The following ZNF679 variants were observed in gnomAD, a reference collection of about 807,000 sequenced individuals.
ZNF679 encodes the protein hypothetical protein MGC42415.
ZNF679 carries 10 observed loss-of-function variants against 13.4 expected under a neutral mutation model. The ratio of observed to expected loss-of-function variants is 0.75; its 90% CI spans 0.46 to 1.27. The LOEUF is 1.27. Ranked by LOEUF, ZNF679 falls within the 50% of genes most tolerant of loss-of-function variation. ZNF679 has a pLI of 0.00. For synonymous variants in ZNF679, 179 were observed against 162.5 expected (o/e 1.10, Z -0.77); for missense variants, 525 against 477.8 (o/e 1.10, Z -0.92).
intron 1 of ZNF679, among the ~76,000 whole-genome samples, chr7:64,245,430 AGAGAGAGAGAGAGG>A (rs1313716946): frequency 6.7e-6 from 1 of 149,428 alleles, no homozygotes; most frequent in Non-Finnish European, 1.5e-5. Context: ...AAAGAGAGAG[AGAGAGAGAGAGAGG>A]GAGAGAGAGA....
In ZNF679 at chr7:64,266,870, T is replaced by G. The variant is rs758492100; in HGVS notation, c.*1T>G. 6.4e-7 allele frequency: 1 copy of G among 1,557,198 alleles called. No homozygotes were observed. The highest frequency in any genetic ancestry group is 1.2e-5 in the South Asian group (1 of 84,782). On this transcript the variant is annotated 3_prime_UTR_variant, in exon 5 of 5. Coordinates refer to ENST00000421025, the MANE Select transcript of ZNF679 (RefSeq NM_153363.3). ...AGAGAAACCCTACAAATGTGAATAA[T>G]GTGATAAAGTCCAGCCTTCAGACCT...
Position 64,266,925 on chromosome 7 carries a change from A to G in ZNF679, c.*56A>G, listed in dbSNP as rs1788163913. 1 of 1,449,404 alleles carries G rather than the reference A, an allele frequency of 6.9e-7. No individual in the cohort carries two copies. Among genetic ancestry groups the G allele is most frequent in the Non-Finnish European group, 9.1e-7 (1 of 1,097,962 alleles). The allele number at this position is 1,449,404 out of a possible 1,614,324, so 89.8% of individuals were successfully genotyped here. Reference sequence around the variant, plus strand: ...ATACATAAAATAATTTATACTTGAAAAAATCACTACAAGTGTAAAGAATGT... The same window carrying G: ...ATACATAAAATAATTTATACTTGAAGAAATCACTACAAGTGTAAAGAATGT... On this transcript the variant is annotated 3_prime_UTR_variant, in exon 5 of 5. Transcript: ENST00000421025.
intron 1 of ZNF679, among the ~76,000 whole-genome samples, chr7:64,238,760 A>C (rs531094803): frequency 6.6e-6 from 1 of 152,198 alleles, no homozygotes; most frequent in Admixed American, 6.5e-5. Context: ...ATCTGAAAAC[A>C]GCCCCAAAAC....
Position 64,260,310 on chromosome 7 carries a change from T to A in ZNF679, c.129T>A (p.Asp43Glu), listed in dbSNP as rs552250019. 1.2e-6 allele frequency: 2 copies of A among 1,612,732 alleles called. No individual in the cohort carries two copies. The highest frequency in any genetic ancestry group is 1.3e-5 in the African/African-American group (1 of 74,930). The change falls in exon 3 of 5, where the codon GAT becomes GAA. Residue 43 changes from aspartate to glutamate, a missense_variant. By Grantham distance (45) the Asp-to-Glu change is conservative. Coordinates refer to ENST00000421025, the MANE Select transcript of ZNF679 (RefSeq NM_153363.3). ...LDHAQQNLYRDVMLENYRNLV... is the reference protein window; with the variant it reads ...LDHAQQNLYREVMLENYRNLV... The stretch of plus-strand genomic sequence containing the variant: ...ACGCTCAGCAGAATTTATATAGAGA[T>A]GTGATGTTAGAGAACTACAGAAACC...
intron 4 of ZNF679, among the ~76,000 whole-genome samples, chr7:64,265,248 G>A (rs35638959): frequency 0.046 from 6,944 of 152,082 alleles, 250 homozygotes; most frequent in Non-Finnish European, 0.065. Flanking sequence ...TTTCTTTCTT[G>A]GCTAGAGATT....
In ZNF679 at chr7:64,266,811, C is replaced by G; in HGVS notation, c.1178C>G (p.Ser393Ter). ...EECDKAFKWS[S>*]SLANHKSMHT... ...TGTGACAAAGCTTTTAAGTGGTCCT[C>G]AAGTCTTGCTAATCATAAGAGTATG... Residue 393 changes from serine (S) to a stop codon, truncating the protein, a stop_gained, in exon 5 of 5, where the codon TCA becomes TGA. Transcript: ENST00000421025. LOFTEE classifies it low-confidence loss of function (END_TRUNC). The G allele has an allele frequency of 1.2e-6, 2 of 1,603,138 alleles. No individual in the cohort carries two copies. The highest frequency in any genetic ancestry group is 1.7e-6 in the Non-Finnish European group (2 of 1,174,094).
intron 4 of ZNF679, among the ~76,000 whole-genome samples, chr7:64,264,389 ATAAC>A (rs1307009826): frequency 6.6e-6 from 1 of 152,106 alleles, no homozygotes; most frequent in African/African-American, 2.4e-5. Context: ...ATTTTAAAGA[ATAAC>A]TAAAAATGTT....
At chr7:64,246,256 C>A (rs1787867970) in intron 1 of ZNF679, among the ~76,000 whole-genome samples, 1 of 152,194 alleles carries the variant, frequency 6.6e-6, no homozygotes, top group Non-Finnish European at 1.5e-5. Context: ...AACCCAATCC[C>A]ATTCTTTACC....
intron 2 of ZNF679, among the ~76,000 whole-genome samples, chr7:64,256,847 G>A (rs528698020): frequency 6.5e-4 from 98 of 151,926 alleles, no homozygotes; most frequent in African/African-American, 2.2e-3. Context: ...GCAGGCACCC[G>A]CCACCATGCC....
In ZNF679 at chr7:64,242,296, C is replaced by A. The variant is rs140241195; in HGVS notation, c.-90-6732C>A. Among the ~76,000 whole-genome samples, 507 of 152,316 alleles carry A rather than the reference C, an allele frequency of 3.3e-3. 5 individuals are homozygous for A. Among genetic ancestry groups the A allele is most frequent in the African/African-American group, 0.011 (449 of 41,564 alleles). Reference sequence around the variant, plus strand: ...CATGTGTGCATATGAGAGAATCTCACCTGTTTGCTGGTCCCTGTTATGACA... The same window carrying A: ...CATGTGTGCATATGAGAGAATCTCAACTGTTTGCTGGTCCCTGTTATGACA... On this transcript the variant is annotated intron_variant, in intron 1 of 4. Coordinates refer to ENST00000421025, the MANE Select transcript of ZNF679 (RefSeq NM_153363.3).
At chr7:64,233,155 C>T (rs1028026096) in intron 1 of ZNF679, among the ~76,000 whole-genome samples, 6 of 151,538 alleles carry the variant, frequency 4.0e-5, no homozygotes, top group African/African-American at 1.5e-4. Flanking sequence ...GCAGGAGAAT[C>T]ACTTGAATCC....
chr7:64,246,139 T>C (rs1473300058), intron 1 of ZNF679, among the ~76,000 whole-genome samples: 2 of 152,182 alleles, frequency 1.3e-5, no homozygotes, highest in Non-Finnish European at 2.9e-5. Flanking sequence ...CTTTTCTAAG[T>C]TGCACCTCAA....
intron 1 of ZNF679, among the ~76,000 whole-genome samples, chr7:64,235,831 AAAGG>A (rs113295940): frequency 0.036 from 5,467 of 151,690 alleles, 172 homozygotes; most frequent in East Asian, 0.16. Flanking sequence ...AGAGAGAGAG[AAAGG>A]AAGGAAGGAA....
chr7:64,259,974 G>C (rs1788053234), intron 2 of ZNF679, among the ~76,000 whole-genome samples: 1 of 151,888 alleles, frequency 6.6e-6, no homozygotes, highest in South Asian at 2.1e-4. Context: ...ATAGACATGT[G>C]CATATTGATG....
chr7:64,252,772 C>T (rs1787959079), intron 2 of ZNF679, among the ~76,000 whole-genome samples: 1 of 152,204 alleles, frequency 6.6e-6, no homozygotes, highest in Admixed American at 6.5e-5. Context: ...GGCTGGAGTG[C>T]AGTGGCATGA....
At position 64,247,123 on chromosome 7, in the gene ZNF679, C is replaced by T. The variant is rs188914610; in HGVS notation, c.-90-1905C>T. Among the ~76,000 whole-genome samples the T allele has an allele frequency of 3.1e-3, 479 of 152,264 alleles. 5 individuals are homozygous for T. Among genetic ancestry groups the T allele is most frequent in the Admixed American group, 9.7e-3 (149 of 15,298 alleles). ...GCATTATAATTAGCGTGTAATGATT[C>T]CTGAGGACAATCAGAGGTCACTTTC... On this transcript the variant is annotated intron_variant, in intron 1 of 4. Coordinates refer to ENST00000421025, the MANE Select transcript of ZNF679 (RefSeq NM_153363.3).
Position 64,231,091 on chromosome 7 carries a change from C to G in ZNF679, c.-91+2439C>G, listed in dbSNP as rs746443014. Among the ~76,000 whole-genome samples the G allele has an allele frequency of 2.6e-5, 4 of 152,324 alleles. No individual in the cohort carries two copies. The East Asian group carries it at 7.7e-4, about 29-fold the overall frequency. Reference sequence around the variant, plus strand: ...GTGTGCTGAGCCCTGTTATGACACTCTCTGTGCCACTCAGGAACTTTATAA... The same window carrying G: ...GTGTGCTGAGCCCTGTTATGACACTGTCTGTGCCACTCAGGAACTTTATAA... On this transcript the variant is annotated intron_variant, in intron 1 of 4. Coordinates refer to ENST00000421025, the MANE Select transcript of ZNF679 (RefSeq NM_153363.3).
At chr7:64,233,690 AC>A (rs1273915579) in intron 1 of ZNF679, among the ~76,000 whole-genome samples, 1 of 152,048 alleles carries the variant, frequency 6.6e-6, no homozygotes, top group Non-Finnish European at 1.5e-5. Context: ...TAAGGAAACC[AC>A]CTTCACCTTC....
chr7:64,247,600 C>G (rs1235144340), intron 1 of ZNF679, among the ~76,000 whole-genome samples: 1 of 152,124 alleles, frequency 6.6e-6, no homozygotes, highest in Non-Finnish European at 1.5e-5. Context: ...TGTCACCAGG[C>G]TATATTGCGG....
Sources: gnomAD v4.1 joint callset for allele counts (sites outside exome capture counted in the v4.1 genomes callset) on GRCh38, gnomAD v4.1.1 for gene constraint, MANE v1.5 for transcripts, NCBI Gene and HGNC (gene_info 2026-07-23, HGNC 2026-07-21) for gene names.